MAP7: variants seen among roughly 807,000 people sequenced by gnomAD.
MAP7 encodes microtubule associated protein 7.
A neutral mutation model predicts 94.8 loss-of-function variants in MAP7; 52 were observed. The observed-to-expected ratio is 0.55, with a 90% CI of 0.44 to 0.69. MAP7 has a LOEUF of 0.69. Among genes scored for constraint, MAP7 ranks in the 30% least tolerant of loss-of-function variants. The pLI is 0.00. For missense variants in MAP7, 940 were observed against 964.6 expected (o/e 0.97, Z 0.34); for synonymous variants, 350 against 357.0 (o/e 0.98, Z 0.22).
chr6:136,432,276 G>A (rs894669861), intron 1 of MAP7, among the ~76,000 whole-genome samples: 4 of 152,066 alleles, frequency 2.6e-5, no homozygotes, highest in African/African-American at 9.7e-5. Context: ...CCTTCCAAAT[G>A]TCTTATTTCT....
chr6:136,346,960 ATCT>A (rs760113947), intron 16 of MAP7, among the ~76,000 whole-genome samples: 65 of 152,282 alleles, frequency 4.3e-4, no homozygotes, highest in Non-Finnish European at 8.7e-4. Flanking sequence ...TTGAAGACCG[ATCT>A]TCTTATCTTT....
chr6:136,350,069 C>T (rs1788735478), intron 16 of MAP7, among the ~76,000 whole-genome samples: 1 of 152,160 alleles, frequency 6.6e-6, no homozygotes. Flanking sequence ...ATACTTCTCT[C>T]TCAATTTGAA....
At chr6:136,398,667 C>T (rs1162724121) in intron 3 of MAP7, among the ~76,000 whole-genome samples, 1 of 152,182 alleles carries the variant, frequency 6.6e-6, no homozygotes, top group African/African-American at 2.4e-5. Context: ...TTGCCACCAC[C>T]ATGTAGGAAT....
chr6:136,418,508 G>A (rs552175987), intron 2 of MAP7, among the ~76,000 whole-genome samples: 3 of 152,244 alleles, frequency 2.0e-5, no homozygotes, highest in Admixed American at 6.5e-5. Flanking sequence ...AGCCACCGGC[G>A]CCTGGCCAGC....
At chr6:136,471,557 G>GT (rs3839514) in intron 1 of MAP7, among the ~76,000 whole-genome samples, 4,714 of 152,020 alleles carry the variant, frequency 0.031, 180 homozygotes, top group East Asian at 0.14. Context: ...GTTGCTGGGG[G>GT]TTTTTTTAGC....
rs534706295 is a variant in MAP7 at position 136,351,236 on chromosome 6, T to TA, written c.2016-5158dup. 0.01 allele frequency among the ~76,000 whole-genome samples: 1,202 copies of TA among 120,194 alleles called. 43 individuals are homozygous for TA. The East Asian group carries it at 0.14, about 14-fold the overall frequency. The allele number at this position is 120,194 out of a possible 152,430, so 78.9% of individuals were successfully genotyped here. On this transcript the variant is annotated intron_variant, in intron 16 of 17. Coordinates refer to ENST00000354570, the MANE Select transcript of MAP7 (RefSeq NM_003980.6). ...ATACTGACTCCTTGTGTTTTGATGG[T>TA]AAAAAAAAAAAAAAAAACGAAAAAA... is the stretch of plus-strand genomic sequence containing the variant.
intron 1 of MAP7, among the ~76,000 whole-genome samples, chr6:136,528,214 T>A (rs1304196161): frequency 6.6e-6 from 1 of 152,208 alleles, no homozygotes; most frequent in Non-Finnish European, 1.5e-5. Flanking sequence ...GAATCCTAGA[T>A]CGATCTCCAA....
intron 1 of MAP7, among the ~76,000 whole-genome samples, chr6:136,531,043 T>C (rs1331439813): frequency 2.8e-5 from 4 of 144,976 alleles, no homozygotes; most frequent in Non-Finnish European, 5.9e-5. Context: ...CTTTCCTAAA[T>C]GTTAGGTGTG....
intron 1 of MAP7, among the ~76,000 whole-genome samples, chr6:136,471,713 C>T (rs1414992579): frequency 6.6e-6 from 1 of 151,988 alleles, no homozygotes; most frequent in Non-Finnish European, 1.5e-5. Context: ...TGGAATCTTG[C>T]ACGCGGTCCT....
chr6:136,451,399 T>C (rs1450419689), intron 1 of MAP7, among the ~76,000 whole-genome samples: 1 of 152,240 alleles, frequency 6.6e-6, no homozygotes, highest in Non-Finnish European at 1.5e-5. Flanking sequence ...CTCAATATTT[T>C]AAGTCCACTG....
At chr6:136,346,329 G>A (rs1191080869) in intron 16 of MAP7, among the ~76,000 whole-genome samples, 9 of 152,192 alleles carry the variant, frequency 5.9e-5, no homozygotes, top group South Asian at 2.1e-4. Context: ...TTGGGAGGCC[G>A]AGATGGGAGG....
chr6:136,503,125 A>T (rs1282939224), intron 1 of MAP7, among the ~76,000 whole-genome samples: 2 of 152,176 alleles, frequency 1.3e-5, no homozygotes, highest in East Asian at 3.8e-4. Context: ...ACCCAGAAAT[A>T]ATTACCAAAT....
At chr6:136,398,447 G>C (rs761690159) in intron 3 of MAP7, among the ~76,000 whole-genome samples, 6 of 152,184 alleles carry the variant, frequency 3.9e-5, no homozygotes, top group Admixed American at 6.5e-5. Flanking sequence ...TTGCCACGTA[G>C]AGTGATATGG....
intron 1 of MAP7, among the ~76,000 whole-genome samples, chr6:136,508,516 C>A (rs1181759300): frequency 6.6e-6 from 1 of 152,088 alleles, no homozygotes; most frequent in Non-Finnish European, 1.5e-5. Flanking sequence ...AATTTGGACA[C>A]CAATACTTTT....
At chr6:136,424,796 C>T (rs575788266) in intron 1 of MAP7, among the ~76,000 whole-genome samples, 1 of 152,330 alleles carries the variant, frequency 6.6e-6, no homozygotes, top group South Asian at 2.1e-4. Flanking sequence ...CTCTGAGACA[C>T]GTCTGACTAT....
At chr6:136,471,442 T>C (rs1808949278) in intron 1 of MAP7, among the ~76,000 whole-genome samples, 1 of 152,232 alleles carries the variant, frequency 6.6e-6, no homozygotes, top group Non-Finnish European at 1.5e-5. Context: ...CAATCTAATC[T>C]GGCACTCGGG....
At chr6:136,405,382 G>T (rs375164376) in intron 3 of MAP7, among the ~76,000 whole-genome samples, 65 of 152,336 alleles carry the variant, frequency 4.3e-4, no homozygotes, top group African/African-American at 1.5e-3. Context: ...GGTAGGAGAA[G>T]GCCTCGCTGA....
chr6:136,468,057 C>T (rs1453269502), intron 1 of MAP7, among the ~76,000 whole-genome samples: 6 of 152,128 alleles, frequency 3.9e-5, no homozygotes, highest in Non-Finnish European at 7.4e-5. Flanking sequence ...TCTAGCCCAG[C>T]ACCACCCCTA....
intron 1 of MAP7, among the ~76,000 whole-genome samples, chr6:136,500,574 TAGAC>T (rs1819545878): frequency 6.6e-6 from 1 of 152,232 alleles, no homozygotes; most frequent in Admixed American, 6.5e-5. Context: ...GTAGTAATGT[TAGAC>T]ATACTATCGT....
Sources: allele counts gnomAD v4.1 joint callset (sites outside exome capture counted in the v4.1 genomes callset), GRCh38; gene constraint gnomAD v4.1.1; transcripts MANE v1.5; gene names NCBI Gene and HGNC (gene_info 2026-07-23, HGNC 2026-07-21).